The following HADHB variants were observed in gnomAD, a reference collection of about 807,000 sequenced individuals.
The protein encoded by HADHB is trifunctional enzyme subunit beta, mitochondrial.
Under a neutral mutation model 61.9 loss-of-function variants are expected in HADHB, and 50 were observed. The observed-to-expected ratio is 0.81, with a 90% CI of 0.64 to 1.02. The LOEUF (loss-of-function observed/expected upper bound fraction) is 1.02, where lower values mean the gene tolerates loss of function less well. Ranked by LOEUF, HADHB falls within the 50% of genes least tolerant of loss-of-function variation. The pLI is 0.00. For synonymous variants in HADHB, 191 were observed against 201.6 expected (o/e 0.95, Z 0.45); for missense variants, 504 against 586.5 (o/e 0.86, Z 1.45).
intron 15 of HADHB, among the ~76,000 whole-genome samples, chr2:26,289,191 A>T (rs1468265034): frequency 6.6e-6 from 1 of 152,238 alleles, no homozygotes; most frequent in Non-Finnish European, 1.5e-5. Context: ...CGGAGCTTGC[A>T]GTGAGCTGAG....
intron 4 of HADHB, among the ~76,000 whole-genome samples, chr2:26,267,351 G>A (rs2147813833): frequency 6.6e-6 from 1 of 152,118 alleles, no homozygotes; most frequent in East Asian, 1.9e-4. Flanking sequence ...AAAAAAGAGG[G>A]GTTCAGGGGG....
rs1056632745 is a variant in HADHB at position 26,261,222 on chromosome 2, C to G, written c.110-2158C>G. 4 of 474,768 alleles carry G rather than the reference C, an allele frequency of 8.4e-6. No individual in the cohort carries two copies. The East Asian group carries it at 1.2e-4, about 15-fold the overall frequency. The allele number at this position is 474,768 out of a possible 1,614,324, so 29.4% of individuals were successfully genotyped here. A position where few individuals can be genotyped will look rare whatever the true frequency, so the allele number is the denominator to read the frequency against. On this transcript the variant is annotated intron_variant, in intron 3 of 15. Coordinates refer to ENST00000317799, the MANE Select transcript of HADHB (RefSeq NM_000183.3). ...AACAACACAACAAATACCCCCCCCC[C>G]ATCCAGACAAACAAAAAAAGTATCT... is the stretch of plus-strand genomic sequence containing the variant.
intron 1 of HADHB, among the ~76,000 whole-genome samples, chr2:26,253,048 T>G (rs1418256042): frequency 6.6e-6 from 1 of 152,238 alleles, no homozygotes; most frequent in Non-Finnish European, 1.5e-5. Flanking sequence ...TTCTTATGAG[T>G]GAAATTGAAC....
At chr2:26,250,195 G>A (rs1671345124) in intron 1 of HADHB, among the ~76,000 whole-genome samples, 2 of 152,028 alleles carry the variant, frequency 1.3e-5, no homozygotes, top group Admixed American at 1.3e-4. Context: ...TTAGAGATGG[G>A]CTTTCTCTAT....
intron 5 of HADHB, among the ~76,000 whole-genome samples, chr2:26,271,560 T>A (rs115337494): frequency 0.012 from 1,767 of 152,210 alleles, 40 homozygotes; most frequent in African/African-American, 0.038. Context: ...TCTCCCTCTT[T>A]CTCTTTTTGA....
chr2:26,265,913 A>G (rs963881694), intron 4 of HADHB, among the ~76,000 whole-genome samples: 6 of 151,868 alleles, frequency 4.0e-5, no homozygotes, highest in Non-Finnish European at 8.8e-5. Context: ...AAAAAATAAC[A>G]TTAGAGGCCA....
chr2:26,272,346 C>CTT (rs11340590), intron 5 of HADHB, among the ~76,000 whole-genome samples: 16 of 136,034 alleles, frequency 1.2e-4, no homozygotes, highest in African/African-American at 3.8e-4. Context: ...TCCCATTTGT[C>CTT]TTTTTTTTTT....
chr2:26,277,943 A>T (rs1333649062), intron 7 of HADHB, among the ~76,000 whole-genome samples: 2 of 152,216 alleles, frequency 1.3e-5, no homozygotes, highest in Non-Finnish European at 2.9e-5. Flanking sequence ...TGTCATTTTT[A>T]TAAATCACTG....
At chr2:26,272,130 G>A (rs1301855161) in intron 5 of HADHB, among the ~76,000 whole-genome samples, 1 of 152,006 alleles carries the variant, frequency 6.6e-6, no homozygotes, top group African/African-American at 2.4e-5. Flanking sequence ...TTGTAGCCAA[G>A]TTTAGTCATT....
At chr2:26,273,899 T>C in intron 6 of HADHB, 149 bp downstream of exon 6, 1 of 653,172 alleles carries the variant, frequency 1.5e-6, no homozygotes, top group South Asian at 1.7e-5. Context: ...TAATGTGTTA[T>C]TTAATATGTA....
intron 3 of HADHB, among the ~76,000 whole-genome samples, chr2:26,262,506 C>T (rs1671906061): frequency 6.6e-6 from 1 of 152,118 alleles, no homozygotes. Flanking sequence ...TTTTTACTCT[C>T]CATAGTTCAG....
At position 26,257,876 on chromosome 2, in the gene HADHB, G is replaced by A. The variant is rs573767444; in HGVS notation, c.109+3402G>A. Reference sequence around the variant, plus strand: ...CTACTAAAAATACAAAAAATTAGCCGGGCGTGGTGGCGGGCGCCTGTAATC... The same window carrying A: ...CTACTAAAAATACAAAAAATTAGCCAGGCGTGGTGGCGGGCGCCTGTAATC... On this transcript the variant is annotated intron_variant, in intron 3 of 15. Coordinates refer to ENST00000317799, the MANE Select transcript of HADHB (RefSeq NM_000183.3). 1.9e-3 allele frequency among the ~76,000 whole-genome samples: 282 copies of A among 152,018 alleles called. 3 individuals are homozygous for A. Among genetic ancestry groups the A allele is most frequent in the South Asian group, 3.5e-3 (17 of 4,806 alleles).
In HADHB at chr2:26,285,539, G is replaced by A; in HGVS notation, c.1357G>A (p.Gly453Ser). The change falls in exon 15 of 16, where the codon GGC (glycine) becomes AGC (serine). Residue 453 changes from glycine to serine, a missense_variant. Transcript: ENST00000317799. ...NRLRKEGGQY[G>S]LVAACAAGGQ... ...ATTACGGAAAGAAGGAGGCCAGTAT[G>A]GCTTAGTGGCTGCGTGTGCAGCTGG... is the stretch of plus-strand genomic sequence containing the variant. The A allele has an allele frequency of 1.2e-6, 2 of 1,614,028 alleles. No individual in the cohort carries two copies. Among genetic ancestry groups the A allele is most frequent in the Non-Finnish European group, 1.7e-6 (2 of 1,179,968 alleles).
At chr2:26,251,524 C>G (rs990290962) in intron 1 of HADHB, among the ~76,000 whole-genome samples, 2 of 152,116 alleles carry the variant, frequency 1.3e-5, no homozygotes, top group African/African-American at 4.8e-5. Flanking sequence ...AAGGTTCCCC[C>G]TTTTGTTTTT....
At chr2:26,259,126 C>T (rs1267924964) in intron 3 of HADHB, among the ~76,000 whole-genome samples, 1 of 152,198 alleles carries the variant, frequency 6.6e-6, no homozygotes, top group African/African-American at 2.4e-5. Flanking sequence ...TTACTTACTG[C>T]ACGGTCACTT....
rs563018274 is a variant in HADHB at position 26,246,196 on chromosome 2, A to G, written c.-9+1206A>G. Reference sequence around the variant, plus strand: ...TCCTGCCCATGTAATGCTTTCTTCAACACCTAACTGCGTGTAACACTTATT... The same window carrying G: ...TCCTGCCCATGTAATGCTTTCTTCAGCACCTAACTGCGTGTAACACTTATT... On this transcript the variant is annotated intron_variant, in intron 1 of 15. Coordinates refer to ENST00000317799, the MANE Select transcript of HADHB (RefSeq NM_000183.3). 3.9e-5 allele frequency among the ~76,000 whole-genome samples: 6 copies of G among 152,328 alleles called. No individual in the cohort carries two copies. The South Asian group carries it at 1.0e-3, about 26-fold the overall frequency.
At chr2:26,267,257 T>C (rs1672124470) in intron 4 of HADHB, among the ~76,000 whole-genome samples, 1 of 151,952 alleles carries the variant, frequency 6.6e-6, no homozygotes, top group Admixed American at 6.6e-5. Flanking sequence ...CAGAGCTCCT[T>C]TGAAGAATGA....
At chr2:26,284,821 C>G in intron 13 of HADHB, 62 bp from the exon 14 acceptor site, 1 of 893,220 alleles carries the variant, frequency 1.1e-6, no homozygotes, top group Non-Finnish European at 1.9e-6. Flanking sequence ...CAAACCATTC[C>G]TATAAGAAAG....
rs775764398 is a variant in HADHB, at chr2:26,282,832, G to C, written c.934-13G>C. 1 of 1,597,704 alleles carries C rather than the reference G, an allele frequency of 6.3e-7. No individual in the cohort carries two copies. Among genetic ancestry groups the C allele is most frequent in the Non-Finnish European group, 8.6e-7 (1 of 1,166,222 alleles). Reference sequence around the variant, plus strand: ...GCTGAAGAATTTTAACATTGTGCTGGTTAACATTTCAGACTGATGGTGCAT... The same window carrying C: ...GCTGAAGAATTTTAACATTGTGCTGCTTAACATTTCAGACTGATGGTGCAT... On this transcript the variant is annotated splice_polypyrimidine_tract_variant and intron_variant, in intron 10 of 15. Transcript: ENST00000317799.
Sources: gnomAD v4.1 joint callset for allele counts (sites outside exome capture counted in the v4.1 genomes callset) on GRCh38, gnomAD v4.1.1 for gene constraint, MANE v1.5 for transcripts, NCBI Gene and HGNC (gene_info 2026-07-23, HGNC 2026-07-21) for gene names.